NRXN3: variants seen among roughly 807,000 people sequenced by gnomAD.
NRXN3 encodes the protein neurexin 3.
NRXN3 carries 32 observed loss-of-function variants against 137.6 expected under a neutral mutation model. That is an observed-to-expected ratio of 0.23 (90% confidence interval 0.18 to 0.31). NRXN3 has a LOEUF of 0.31. Among genes scored for constraint, NRXN3 ranks in the 10% least tolerant of loss-of-function variants. The pLI, the probability that NRXN3 is intolerant of heterozygous loss-of-function variation, is 1.00. For synonymous variants in NRXN3, 798 were observed against 784.5 expected (o/e 1.02, Z -0.29); for missense variants, 1,574 against 2,062.5 (o/e 0.76, Z 4.59).
At chr14:78,748,962 C>G (rs1301858446) in intron 8 of NRXN3, among the ~76,000 whole-genome samples, 3 of 152,216 alleles carry the variant, frequency 2.0e-5, no homozygotes, top group African/African-American at 7.2e-5. Context: ...CAGCATCTAA[C>G]TGTGTTCACA....
intron 8 of NRXN3, among the ~76,000 whole-genome samples, chr14:78,764,017 G>A (rs542739142): frequency 6.6e-6 from 1 of 152,242 alleles, no homozygotes; most frequent in African/African-American, 2.4e-5. Flanking sequence ...TCATTCCTTG[G>A]GAGAACTGGC....
At chr14:79,432,630 T>G (rs2095781180) in intron 15 of NRXN3, among the ~76,000 whole-genome samples, 1 of 152,234 alleles carries the variant, frequency 6.6e-6, no homozygotes, top group Non-Finnish European at 1.5e-5. Context: ...GTTAACATCC[T>G]TAATATTCTA....
rs144216085 is a variant in NRXN3, at chr14:79,213,321, C to A, written c.3262+225180C>A. Among the ~76,000 whole-genome samples the A allele has an allele frequency of 1.1e-3, 169 of 152,154 alleles. 1 individual carries two copies. Among genetic ancestry groups the A allele is most frequent in the African/African-American group, 3.5e-3 (145 of 41,502 alleles). The stretch of plus-strand genomic sequence containing the variant: ...TAAGAAACTATAAAAAATGAACATA[C>A]CCCAGATTTCTCTTTGTGTACACTT... On this transcript the variant is annotated intron_variant, in intron 15 of 20. Transcript: ENST00000335750.
chr14:78,824,647 A>G (rs1462248321), intron 10 of NRXN3, among the ~76,000 whole-genome samples: 1 of 152,256 alleles, frequency 6.6e-6, no homozygotes, highest in African/African-American at 2.4e-5. Context: ...GCACTTGCCC[A>G]ACTCTTGAAG....
chr14:79,132,143 G>A (rs573977220), intron 15 of NRXN3, among the ~76,000 whole-genome samples: 31 of 152,348 alleles, frequency 2.0e-4, no homozygotes, highest in South Asian at 1.2e-3. Context: ...CGTCTTCTGC[G>A]TTGCTCACGC....
Position 79,340,516 on chromosome 14 carries a change from A to G in NRXN3, c.3263-126705A>G, listed in dbSNP as rs2092549827. On this transcript the variant is annotated intron_variant, in intron 15 of 20. Coordinates refer to ENST00000335750, the MANE Select transcript of NRXN3 (RefSeq NM_001330195.2). ...GTTTTCCTCTTATTGCCCAGGCTGG[A>G]GTGCAATGGTGCGATATCAGCTCAC... Among the ~76,000 whole-genome samples, 3 of 152,132 alleles carry G rather than the reference A, an allele frequency of 2.0e-5. No homozygotes were observed. The South Asian group carries it at 6.2e-4, about 32-fold the overall frequency.
intron 16 of NRXN3, among the ~76,000 whole-genome samples, chr14:79,639,644 T>A (rs144097673): frequency 2.6e-5 from 4 of 152,228 alleles, no homozygotes; most frequent in African/African-American, 9.6e-5. Context: ...GTGAACTTTT[T>A]TTCGCTGTAG....
chr14:79,305,696 A>G (rs922579885), intron 15 of NRXN3, among the ~76,000 whole-genome samples: 1 of 152,010 alleles, frequency 6.6e-6, no homozygotes, highest in Non-Finnish European at 1.5e-5. Context: ...AATACCTTCC[A>G]CATATTTTTG....
At chr14:78,525,994 C>T (rs1445079584) in intron 4 of NRXN3, among the ~76,000 whole-genome samples, 3 of 152,136 alleles carry the variant, frequency 2.0e-5, no homozygotes, top group Non-Finnish European at 2.9e-5. Flanking sequence ...TTCATAAGAG[C>T]CTTGCTTACT....
intron 15 of NRXN3, among the ~76,000 whole-genome samples, chr14:79,056,930 A>C (rs1043078006): frequency 2.0e-5 from 3 of 152,234 alleles, no homozygotes; most frequent in African/African-American, 7.2e-5. Context: ...AAAACATTGG[A>C]TATTTATGTG....
chr14:79,501,843 T>G (rs886771072), intron 16 of NRXN3, among the ~76,000 whole-genome samples: 5 of 152,142 alleles, frequency 3.3e-5, no homozygotes, highest in African/African-American at 1.2e-4. Context: ...TAGGGGTGGA[T>G]GTCGGAGAGG....
At chr14:78,398,189 G>C (rs1220728491) in intron 4 of NRXN3, among the ~76,000 whole-genome samples, 2 of 142,826 alleles carry the variant, frequency 1.4e-5, no homozygotes, top group Non-Finnish European at 3.0e-5. Flanking sequence ...ACTCCAGCCT[G>C]GGTGACAAGA....
chr14:78,900,225 AGATGAGT>A (rs2099191148), intron 10 of NRXN3, among the ~76,000 whole-genome samples: 2 of 151,886 alleles, frequency 1.3e-5, no homozygotes, highest in Non-Finnish European at 2.9e-5. Context: ...CTATTGTTAT[AGATGAGT>A]AAACTGACAC....
Position 78,295,179 on chromosome 14 carries a change from C to T in NRXN3, c.728-2652C>T, listed in dbSNP as rs540641985. 2.0e-5 allele frequency among the ~76,000 whole-genome samples: 3 copies of T among 152,266 alleles called. No individual in the cohort carries two copies. In the East Asian group the frequency reaches 5.8e-4, roughly 29 times the overall value. On this transcript the variant is annotated intron_variant, in intron 3 of 20. Transcript: ENST00000335750. ...CTTGAAAGTGGAAGATAATTCTTTT[C>T]TCAAAAAGCAAAATAAAACAAACCG...
intron 2 of NRXN3, among the ~76,000 whole-genome samples, chr14:78,263,729 T>A (rs1322853772): frequency 6.6e-6 from 1 of 152,230 alleles, no homozygotes; most frequent in Non-Finnish European, 1.5e-5. Flanking sequence ...AATGTTCTTT[T>A]GTGGCCATTA....
chr14:78,494,746 A>G (rs954784882), intron 4 of NRXN3, among the ~76,000 whole-genome samples: 1 of 152,200 alleles, frequency 6.6e-6, no homozygotes, highest in Non-Finnish European at 1.5e-5. Context: ...ACATGAATAA[A>G]TCGCCACCCA....
chr14:78,294,331 G>A (rs2076096577), intron 3 of NRXN3, among the ~76,000 whole-genome samples: 5 of 152,156 alleles, frequency 3.3e-5, no homozygotes, highest in Non-Finnish European at 7.3e-5. Flanking sequence ...GCAGCGGGCA[G>A]ATCACCTGAG....
chr14:79,613,502 C>T (rs976999673), intron 16 of NRXN3, among the ~76,000 whole-genome samples: 2 of 152,318 alleles, frequency 1.3e-5, no homozygotes, highest in Non-Finnish European at 2.9e-5. Context: ...TTTAGCCAAA[C>T]CACTTCTTAA....
In NRXN3 at chr14:79,308,844, C is replaced by CTTT. The variant is rs34580008; in HGVS notation, c.3263-158361_3263-158359dup. 1.4e-3 allele frequency among the ~76,000 whole-genome samples: 122 copies of CTTT among 89,360 alleles called. 2 individuals are homozygous for CTTT. Among genetic ancestry groups the CTTT allele is most frequent in the South Asian group, 4.1e-3 (11 of 2,658 alleles). 58.6% of individuals were successfully genotyped at this position (89,360 alleles called of 152,430 possible). On this transcript the variant is annotated intron_variant, in intron 15 of 20. Coordinates refer to ENST00000335750, the MANE Select transcript of NRXN3 (RefSeq NM_001330195.2). ...TTCCTCATCAGCACAGGGAAGCATT[C>CTTT]TTTTTTTTTTTTTTTTTTGTGAGTA...
Sources: gnomAD v4.1 joint callset for allele counts (sites outside exome capture counted in the v4.1 genomes callset) on GRCh38, gnomAD v4.1.1 for gene constraint, MANE v1.5 for transcripts, NCBI Gene and HGNC (gene_info 2026-07-23, HGNC 2026-07-21) for gene names.